USP36: variants seen among roughly 807,000 people sequenced by gnomAD.
The protein encoded by USP36 is ubiquitin specific peptidase 36.
Under a neutral mutation model 111.5 loss-of-function variants are expected in USP36, and 59 were observed. The observed-to-expected ratio is 0.53, with a 90% CI of 0.43 to 0.66. The LOEUF (loss-of-function observed/expected upper bound fraction) is 0.66, where lower values mean the gene tolerates loss of function less well. USP36 is among the 30% of genes least tolerant of loss of function. The probability of loss-of-function intolerance (pLI) is 0.00; values close to 1 mark genes in which losing one functional copy is unlikely to be tolerated. For synonymous variants in USP36, 628 were observed against 581.0 expected (o/e 1.08, Z -1.16); for missense variants, 1,488 against 1,468.0 (o/e 1.01, Z -0.22).
In USP36 at chr17:78,806,141, C is replaced by T. The variant is rs143475063; in HGVS notation, c.2216+15G>A. On this transcript the variant is annotated intron_variant, in intron 15 of 20. Coordinates refer to ENST00000449938, the MANE Select transcript of USP36 (RefSeq NM_001385174.1). ...GAACCAGTTGGCACCCAGAAGATCC[C>T]GGCCCAAAGCTTACCTGGCTCTATG... 1,521 of 1,612,446 alleles carry T rather than the reference C, an allele frequency of 9.4e-4. 5 individuals are homozygous for T. The East Asian group carries it at 0.01, about 11-fold the overall frequency.
At position 78,818,827 on chromosome 17, in the gene USP36, T is replaced by C. The variant is rs1274167678; in HGVS notation, c.912-49A>G. ...ATTAATGAATGATTGATTCGTGCTC[T>C]GAAAAATGTTGTCTTAACGCTAAGT... On this transcript the variant is annotated intron_variant, in intron 9 of 20. Coordinates refer to ENST00000449938, the MANE Select transcript of USP36 (RefSeq NM_001385174.1). The C allele has an allele frequency of 2.5e-6, 4 of 1,594,088 alleles. No individual in the cohort carries two copies. The African/African-American group carries it at 5.4e-5, about 21-fold the overall frequency.
At position 78,798,306 on chromosome 17, in the gene USP36, T is replaced by A; in HGVS notation, c.*20+94A>T. The A allele has an allele frequency of 6.7e-7, 1 of 1,496,702 alleles. No homozygotes were observed. The highest frequency in any genetic ancestry group is 9.0e-7 in the Non-Finnish European group (1 of 1,110,874). The allele number at this position is 1,496,702 out of a possible 1,614,324, so 92.7% of individuals were successfully genotyped here. ...GTGCCAGATACACAGCCCACATACA[T>A]CATACACACACGCCACACCCCACCA... On this transcript the variant is annotated intron_variant, in intron 20 of 20. Coordinates refer to ENST00000449938, the MANE Select transcript of USP36 (RefSeq NM_001385174.1). This position sits in a 1 kb window ranked among gnomAD's most constrained non-coding sequence, Gnocchi z 5.1.
chr17:78,832,594 T>A (rs1483806952), intron 4 of USP36, among the ~76,000 whole-genome samples: 1 of 152,210 alleles, frequency 6.6e-6, no homozygotes. Context: ...TACGGGGATT[T>A]ACAGATATTA....
chr17:78,836,370 T>A lies in USP36; in HGVS notation c.-7A>T. The A allele has an allele frequency of 6.2e-7, 1 of 1,613,124 alleles. No individual in the cohort carries two copies. The highest frequency in any genetic ancestry group is 1.1e-5 in the South Asian group (1 of 91,050). On this transcript the variant is annotated splice_region_variant and 5_prime_UTR_variant, in exon 3 of 21. An upstream start codon of the reference 5' UTR is lost. Transcript: ENST00000449938. Reference sequence around the variant, plus strand: ...ACTTATCCACTATTGGCATGGTGCATCACTGTGGGGACAAGAAGAAACATA... The same window carrying A: ...ACTTATCCACTATTGGCATGGTGCAACACTGTGGGGACAAGAAGAAACATA...
intron 13 of USP36, among the ~76,000 whole-genome samples, chr17:78,812,432 G>A (rs1173694335): frequency 1.3e-5 from 2 of 152,092 alleles, no homozygotes; most frequent in Non-Finnish European, 2.9e-5. Flanking sequence ...GCTCATGCCT[G>A]TAATCCCAGC....
At chr17:78,821,092 G>T in intron 7 of USP36, 31 bp from the exon 8 acceptor site, 1 of 1,574,722 alleles carries the variant, frequency 6.4e-7, no homozygotes, top group South Asian at 1.2e-5. Context: ...TGGAGCAGGT[G>T]GGGCCTGGCA....
rs1244249630 is a variant in USP36 at position 78,806,831 on chromosome 17, C to T, written c.2085+128G>A. ...CAAATGGCTGGGAACGACTAAAAGACACTTTGTTCCTCTAACATGAGGGAG... is the reference window on the plus strand; with the variant it reads ...CAAATGGCTGGGAACGACTAAAAGATACTTTGTTCCTCTAACATGAGGGAG... On this transcript the variant is annotated intron_variant, in intron 14 of 20. Coordinates refer to ENST00000449938, the MANE Select transcript of USP36 (RefSeq NM_001385174.1). 4 of 1,313,328 alleles carry T rather than the reference C, an allele frequency of 3.0e-6. No individual in the cohort carries two copies. In the African/African-American group the frequency reaches 4.4e-5, roughly 15 times the overall value. 81.4% of individuals were successfully genotyped at this position (1,313,328 alleles called of 1,614,324 possible).
At chr17:78,820,141 GC>G in intron 8 of USP36, 129 bp from the exon 9 acceptor site, 5 of 896,764 alleles carry the variant, frequency 5.6e-6, no homozygotes, top group Non-Finnish European at 6.8e-6. Context: ...ATAAAAATTT[GC>G]CCACTAGCTG....
chr17:78,823,812 G>A (rs986166196), intron 6 of USP36, among the ~76,000 whole-genome samples: 13 of 152,212 alleles, frequency 8.5e-5, no homozygotes, highest in Non-Finnish European at 2.9e-5. Context: ...CCCTTCTGCT[G>A]CCAGAGGAAA....
intron 4 of USP36, among the ~76,000 whole-genome samples, chr17:78,830,991 C>A (rs2068031761): frequency 6.6e-6 from 1 of 151,106 alleles, no homozygotes; most frequent in East Asian, 2.0e-4. Context: ...CTTTGGGAGG[C>A]CGAGGCAGGT....
chr17:78,792,882 A>G (rs2093594942), downstream of USP36, among the ~76,000 whole-genome samples: 1 of 151,972 alleles, frequency 6.6e-6, no homozygotes, highest in African/African-American at 2.4e-5. Flanking sequence ...AGCCCAGCTA[A>G]TTTTTGTATT....
rs749211945 is a variant in USP36, at chr17:78,798,980, AGCATCCT to A, written c.3161_3167del (p.Gln1054LeufsTer55). 1 of 1,614,136 alleles carries A rather than the reference AGCATCCT, an allele frequency of 6.2e-7. No homozygotes were observed. The highest frequency in any genetic ancestry group is 8.5e-7 in the Non-Finnish European group (1 of 1,180,042). ...TCCGGGCCTGTCTGCTGTCTTCAAT[AGCATCCT>A]GACTGACCGCCGACATCTTGCCATC... On this transcript the variant is annotated frameshift_variant, in exon 19 of 21. Coordinates refer to ENST00000449938, the MANE Select transcript of USP36 (RefSeq NM_001385174.1). LOFTEE classifies it high-confidence loss of function. This position sits in a 1 kb window ranked among gnomAD's most constrained non-coding sequence, Gnocchi z 5.1.
rs539455723 is a variant in USP36, at chr17:78,828,254, AG to A, written c.586+642del. Among the ~76,000 whole-genome samples the A allele has an allele frequency of 1.2e-4, 19 of 152,322 alleles. No homozygotes were observed. In the South Asian group the frequency reaches 3.9e-3, roughly 32 times the overall value. Reference sequence around the variant, plus strand: ...AAAATCCATTGAATATCTCTCCAAAAGCCAATATAAAACACAGGTGAGTAAG... The same window carrying A: ...AAAATCCATTGAATATCTCTCCAAAACCAATATAAAACACAGGTGAGTAAG... On this transcript the variant is annotated intron_variant, in intron 5 of 20. Transcript: ENST00000449938.
intron 15 of USP36, among the ~76,000 whole-genome samples, chr17:78,805,185 C>T (rs993340842): frequency 6.6e-6 from 1 of 152,180 alleles, no homozygotes; most frequent in Non-Finnish European, 1.5e-5. Flanking sequence ...CTGCAGAAAA[C>T]AGGACCCCCG....
In USP36 at chr17:78,814,549, C is replaced by T. The variant is rs1429642467; in HGVS notation, c.1027G>A (p.Val343Ile). ...ATGTTGAGGAATTCCGGATAGCCTA[C>T]ATCCTGTTTGAAAAATCAAGGAAAA... Reference protein sequence around the residue: ...NFSGGKITKDVGYPEFLNIRP... With the variant: ...NFSGGKITKDIGYPEFLNIRP... Residue 343 changes from valine to isoleucine, a missense_variant, in exon 11 of 21, where the codon GTA becomes ATA. By Grantham distance (29) the Val-to-Ile change is conservative. Transcript: ENST00000449938. 1.2e-6 allele frequency: 2 copies of T among 1,608,874 alleles called. No homozygotes were observed. Among genetic ancestry groups the T allele is most frequent in the South Asian group, 1.1e-5 (1 of 90,340 alleles).
chr17:78,828,677 C>T (rs915374500), intron 5 of USP36, among the ~76,000 whole-genome samples: 1 of 152,168 alleles, frequency 6.6e-6, no homozygotes, highest in African/African-American at 2.4e-5. Context: ...AACTCCCCAG[C>T]ACCTCCTACA....
Position 78,802,464 on chromosome 17 carries a change from C to T in USP36, c.2882G>A (p.Arg961Lys). ...TACTGCCCGCTGTGTCTCCTGCTTTCTTTTTTTCTTTTTCTTTTTCCTTGG... is the reference window on the plus strand; with the variant it reads ...TACTGCCCGCTGTGTCTCCTGCTTTTTTTTTTTCTTTTTCTTTTTCCTTGG... ...ESPRKKKKKKRKQETQRAVEE... is the reference protein window; with the variant it reads ...ESPRKKKKKKKKQETQRAVEE... Residue 961 changes from arginine (R) to lysine (K), a missense_variant, in exon 17 of 21, where the codon AGA becomes AAA. This residue lies in a region of USP36 where 1,073 missense variants were observed against 994.1 expected (regional missense o/e 1.08). Transcript: ENST00000449938. 6.3e-7 allele frequency: 1 copy of T among 1,580,920 alleles called. No homozygotes were observed. The highest frequency in any genetic ancestry group is 8.6e-7 in the Non-Finnish European group (1 of 1,160,100).
Position 78,836,377 on chromosome 17 carries a change from G to A in USP36, c.-9-5C>T, listed in dbSNP as rs376112518. The A allele has an allele frequency of 1.2e-6, 2 of 1,612,074 alleles. No individual in the cohort carries two copies. Among genetic ancestry groups the A allele is most frequent in the African/African-American group, 2.7e-5 (2 of 74,744 alleles). On this transcript the variant is annotated splice_region_variant and splice_polypyrimidine_tract_variant and intron_variant, in intron 2 of 20. Transcript: ENST00000449938. Reference sequence around the variant, plus strand: ...CACTATTGGCATGGTGCATCACTGTGGGGACAAGAAGAAACATAGAGCCAT... The same window carrying A: ...CACTATTGGCATGGTGCATCACTGTAGGGACAAGAAGAAACATAGAGCCAT...
chr17:78,829,821 A>G (rs991570162), intron 4 of USP36, among the ~76,000 whole-genome samples: 7 of 151,936 alleles, frequency 4.6e-5, no homozygotes, highest in Non-Finnish European at 7.4e-5. Context: ...GCTCACTGCA[A>G]CCTCCGCCTG....
Sources: allele counts gnomAD v4.1 joint callset (sites outside exome capture counted in the v4.1 genomes callset), GRCh38; gene constraint gnomAD v4.1.1; regional missense constraint gnomAD v4.1.1; non-coding constraint Gnocchi (gnomAD v3.1); transcripts MANE v1.5; gene names NCBI Gene and HGNC (gene_info 2026-07-23, HGNC 2026-07-21).